PLXND1: variants seen among roughly 807,000 people sequenced by gnomAD.
PLXND1 encodes plexin D1, also known as plexin-D1.
In PLXND1, 54 loss-of-function variants were observed where a neutral mutation model predicts 197.7. That is an observed-to-expected ratio of 0.27 (90% CI 0.22 to 0.34). The LOEUF (loss-of-function observed/expected upper bound fraction) is 0.34. Ranked by LOEUF, PLXND1 falls within the 10% of genes least tolerant of loss-of-function variation. PLXND1 has a pLI of 1.00. For synonymous variants in PLXND1, 1,180 were observed against 1,161.2 expected (o/e 1.02, Z -0.33); for missense variants, 2,127 against 2,699.2 (o/e 0.79, Z 4.70).
intron 1 of PLXND1, among the ~76,000 whole-genome samples, chr3:129,604,494 C>T (rs1420300948): frequency 6.6e-6 from 1 of 152,208 alleles, no homozygotes; most frequent in African/African-American, 2.4e-5. Flanking sequence ...ATAGAGGCTA[C>T]CTGAGAGGGT....
chr3:129,559,577 C>T, intron 32 of PLXND1, 43 bp downstream of exon 32: 2 of 1,512,290 alleles, frequency 1.3e-6, no homozygotes, highest in Non-Finnish European at 1.8e-6. Context: ...CCACAGGGGC[C>T]CCAGTGGCAC....
intron 25 of PLXND1, among the ~76,000 whole-genome samples, chr3:129,564,142 C>T (rs1036062731): frequency 1.3e-5 from 2 of 152,208 alleles, no homozygotes; most frequent in Non-Finnish European, 2.9e-5. Flanking sequence ...GGCGGAGGCA[C>T]CCCAATGGCC....
In PLXND1 at chr3:129,572,708, T is replaced by C. The variant is rs1189322899; in HGVS notation, c.2978A>G (p.Lys993Arg). ...GATGGTGATCCTGGTGCCCCCGGCC[T>C]TGGGGCCCATGGTAGGCTCCAGGGA... ...VHSLEPTMGPKAGGTRITIHG... is the reference protein window; with the variant it reads ...VHSLEPTMGPRAGGTRITIHG... The change falls in exon 15 of 36, where the codon AAG (lysine) becomes AGG (arginine). Residue 993 changes from lysine (K) to arginine (R), a missense_variant. Physicochemically the swap from Lys to Arg is conservative, Grantham distance 26 (BLOSUM62 2). Around this residue, in one of 6 missense-constraint regions of PLXND1, gnomAD observed 1,095 missense variants for 1,259.8 expected, o/e 0.87. Coordinates refer to ENST00000324093, the MANE Select transcript of PLXND1 (RefSeq NM_015103.3). 1 of 1,601,234 alleles carries C rather than the reference T, an allele frequency of 6.2e-7. No individual in the cohort carries two copies. Among genetic ancestry groups the C allele is most frequent in the African/African-American group, 1.3e-5 (1 of 74,630 alleles).
In PLXND1 at chr3:129,567,805, G is replaced by A; in HGVS notation, c.3866C>T (p.Ala1289Val). Reference protein sequence around the residue: ...CSVLLLLSVVALFVFCTKSRR... With the variant: ...CSVLLLLSVVVLFVFCTKSRR... ...GCTCTTGGTACAGAAGACGAACAGGGCTGCGGGCAGTGGAGAGGCAGGTCA... is the reference window on the plus strand; with the variant it reads ...GCTCTTGGTACAGAAGACGAACAGGACTGCGGGCAGTGGAGAGGCAGGTCA... Residue 1289 changes from alanine (A) to valine (V), a missense_variant and splice_region_variant, in exon 21 of 36, where the codon GCC becomes GTC. Physicochemically the swap from Ala to Val is moderately conservative, Grantham distance 64. Coordinates refer to ENST00000324093, the MANE Select transcript of PLXND1 (RefSeq NM_015103.3). The A allele has an allele frequency of 6.3e-7, 1 of 1,596,740 alleles. No individual in the cohort carries two copies. The highest frequency in any genetic ancestry group is 1.3e-5 in the African/African-American group (1 of 74,730).
At chr3:129,571,439 C>A in intron 17 of PLXND1, 70 bp downstream of exon 17, 2 of 1,535,702 alleles carry the variant, frequency 1.3e-6, no homozygotes, top group Admixed American at 3.4e-5. Context: ...TGGGAGGAGG[C>A]CTGGTCAGTT....
rs547020017 is a variant in PLXND1, at chr3:129,575,668, G to T, written c.2436+98C>A. On this transcript the variant is annotated intron_variant, in intron 10 of 35. Coordinates refer to ENST00000324093, the MANE Select transcript of PLXND1 (RefSeq NM_015103.3). ...GAAGTTGGGGCTGCTGGGGATGGGG[G>T]AACCAGAAGGTAGAGAGAGGCAGGG... The T allele has an allele frequency of 2.3e-5, 28 of 1,219,270 alleles. No individual in the cohort carries two copies. In the South Asian group the frequency reaches 3.1e-4, roughly 14 times the overall value. The allele number at this position is 1,219,270 out of a possible 1,614,324, so 75.5% of individuals were successfully genotyped here.
intron 18 of PLXND1, 30 bp from the exon 19 acceptor site, chr3:129,570,965 G>A: frequency 1.9e-6 from 3 of 1,613,996 alleles, no homozygotes; most frequent in Non-Finnish European, 2.5e-6. Flanking sequence ...GGATGCTCAT[G>A]GGGAAGTGCT....
chr3:129,567,867 C>T, intron 20 of PLXND1, 62 bp from the exon 21 acceptor site: 2 of 951,432 alleles, frequency 2.1e-6, no homozygotes, highest in Non-Finnish European at 3.3e-6. Flanking sequence ...TTATTGGCGC[C>T]TGCTGTATTC....
chr3:129,577,961 G>T lies in PLXND1; in HGVS notation c.2346+368C>A, dbSNP rs1578332771. 7.2e-5 allele frequency among the ~76,000 whole-genome samples: 11 copies of T among 152,300 alleles called. 1 individual carries two copies. The South Asian group carries it at 2.3e-3, about 32-fold the overall frequency. On this transcript the variant is annotated intron_variant, in intron 9 of 35. Coordinates refer to ENST00000324093, the MANE Select transcript of PLXND1 (RefSeq NM_015103.3). The surrounding 1 kb of genome is among the most constrained non-coding windows in gnomAD (Gnocchi z 5.0). ...CACGGGGCAGTGGGCTCGGCGGTGG[G>T]TGGGTGTGTCCAGGGTCACAGCTCA...
chr3:129,561,856 C>A lies in PLXND1; in HGVS notation c.4873G>T (p.Asp1625Tyr). The change falls in exon 28 of 36, where the codon GAC becomes TAC. Residue 1625 changes from aspartate (D) to tyrosine (Y), a missense_variant. Physicochemically the swap from Asp to Tyr is radical, Grantham distance 160. This residue lies in a region of PLXND1 where 532 missense variants were observed against 811.0 expected (regional missense o/e 0.66). Coordinates refer to ENST00000324093, the MANE Select transcript of PLXND1 (RefSeq NM_015103.3). Reference sequence around the variant, plus strand: ...CGGCCGTCTTCCACCACTGAGGTGTCGTCCAGGTCCCGAAGGATGTAGCTC... The same window carrying A: ...CGGCCGTCTTCCACCACTGAGGTGTAGTCCAGGTCCCGAAGGATGTAGCTC... ...TQSYILRDLD[D>Y]TSVVEDGRKK... 6.2e-7 allele frequency: 1 copy of A among 1,614,008 alleles called. No homozygotes were observed.
At chr3:129,570,577 G>A in intron 19 of PLXND1, 1 of 599,550 alleles carries the variant, frequency 1.7e-6, no homozygotes, top group South Asian at 2.0e-5. Context: ...TCCAGATGGG[G>A]CCCATCACTG....
Position 129,586,238 on chromosome 3 carries a change from T to C in PLXND1, c.1655A>G (p.His552Arg). The part of the protein sequence containing the change: ...ARVKVAACNV[H>R]STCGDCVGAA... ...ACCCACGCAGTCCCCACAGGTGGAGTGCACGTTGCAGGCGGCGACCTTCAC... is the reference window on the plus strand; with the variant it reads ...ACCCACGCAGTCCCCACAGGTGGAGCGCACGTTGCAGGCGGCGACCTTCAC... The change falls in exon 4 of 36, where the codon CAC becomes CGC. Residue 552 changes from histidine (H) to arginine (R), a missense_variant. Around this residue, in one of 6 missense-constraint regions of PLXND1, gnomAD observed 1,095 missense variants for 1,259.8 expected, o/e 0.87. Transcript: ENST00000324093. The C allele has an allele frequency of 6.3e-7, 1 of 1,595,314 alleles. No individual in the cohort carries two copies. The highest frequency in any genetic ancestry group is 8.5e-7 in the Non-Finnish European group (1 of 1,175,372).
At chr3:129,562,689 T>C (rs2085078992) in intron 27 of PLXND1, 98 bp downstream of exon 27, 3 of 1,155,362 alleles carry the variant, frequency 2.6e-6, no homozygotes, top group South Asian at 3.0e-5. Context: ...CCCACATTCA[T>C]GCACCCATGC....
intron 2 of PLXND1, 44 bp downstream of exon 2, chr3:129,589,307 G>GCCGGGGGGCCC: frequency 8.8e-6 from 6 of 684,688 alleles, no homozygotes; most frequent in Non-Finnish European, 1.3e-5. Flanking sequence ...TCCCAGGGGA[G>GCCGGGGGGCCC]CCTCCCACCC....
At chr3:129,562,441 T>A (rs2085075647) in intron 27 of PLXND1, 1 of 243,766 alleles carries the variant, frequency 4.1e-6, no homozygotes, top group South Asian at 7.9e-5. Context: ...GCCCAGGAGG[T>A]CGAGGCTGCA....
intron 35 of PLXND1, 91 bp from the exon 36 acceptor site, chr3:129,556,519 T>A (rs1397060782): frequency 2.9e-5 from 39 of 1,336,412 alleles, no homozygotes; most frequent in Non-Finnish European, 4.1e-5. Flanking sequence ...CTACCACGAG[T>A]GACATCCGTC....
At chr3:129,575,886 T>C in intron 9 of PLXND1, 31 bp from the exon 10 acceptor site, 1 of 1,375,966 alleles carries the variant, frequency 7.3e-7, no homozygotes, top group Admixed American at 1.7e-5. Context: ...GAGGCGGGTT[T>C]GAGGAGAACC....
At chr3:129,562,208 A>C (rs1266997612) in intron 27 of PLXND1, among the ~76,000 whole-genome samples, 2 of 152,128 alleles carry the variant, frequency 1.3e-5, no homozygotes, top group Admixed American at 1.3e-4. Flanking sequence ...GGCCTAACCA[A>C]GACTCCTATA....
Position 129,557,102 on chromosome 3 carries a change from T to C in PLXND1, c.5567A>G (p.His1856Arg). The change falls in exon 34 of 36, where the codon CAT (histidine) becomes CGT (arginine). Residue 1856 changes from histidine (H) to arginine (R), a missense_variant. By Grantham distance (29) the His-to-Arg change is conservative (BLOSUM62 0). This residue lies in a region of PLXND1 where 200 missense variants were observed against 303.3 expected (regional missense o/e 0.66). Transcript: ENST00000324093. This position sits in a 1 kb window ranked among gnomAD's most constrained non-coding sequence, Gnocchi z 4.8. ...CCGCACCCTCGACTCCTCGGCCAGA[T>C]GGGCATTCATCTCTTGCTCGCTGAG... ...TPLSEQEMNA[H>R]LAEESRKYQN... 6.2e-7 allele frequency: 1 copy of C among 1,613,972 alleles called. No homozygotes were observed. Among genetic ancestry groups the C allele is most frequent in the Non-Finnish European group, 8.5e-7 (1 of 1,179,974 alleles).
Sources: gnomAD v4.1 joint callset for allele counts (sites outside exome capture counted in the v4.1 genomes callset) on GRCh38, gnomAD v4.1.1 for gene constraint, gnomAD v4.1.1 regional missense constraint, Gnocchi (gnomAD v3.1) non-coding constraint, MANE v1.5 for transcripts, NCBI Gene and HGNC (gene_info 2026-07-23, HGNC 2026-07-21) for gene names.